The following LMX1A variants were observed in gnomAD, a reference collection of about 807,000 sequenced individuals.
The protein encoded by LMX1A is LIM homeobox transcription factor 1-alpha.
In LMX1A, 15 loss-of-function variants were observed where a neutral mutation model predicts 49.1. That is an observed-to-expected ratio of 0.31 (90% CI 0.20 to 0.47). The LOEUF is 0.47. Among genes scored for constraint, LMX1A ranks in the 20% least tolerant of loss-of-function variants. The probability of loss-of-function intolerance (pLI) is 1.00; values close to 1 mark genes in which losing one functional copy is unlikely to be tolerated. For missense variants in LMX1A, 372 were observed against 475.8 expected, an observed-to-expected ratio of 0.78 and a Z score of 2.03; for synonymous variants, 167 against 185.7, an observed-to-expected ratio of 0.90 and a Z score of 0.82.
At chr1:165,235,309 G>C (rs1557858354) in intron 4 of LMX1A, among the ~76,000 whole-genome samples, 2 of 152,146 alleles carry the variant, frequency 1.3e-5, no homozygotes, top group African/African-American at 4.8e-5. Context: ...TGCGAGGAGG[G>C]CTGGAGGCAT....
At chr1:165,292,080 A>AC (rs1223429308) in intron 3 of LMX1A, among the ~76,000 whole-genome samples, 1 of 151,590 alleles carries the variant, frequency 6.6e-6, no homozygotes, top group East Asian at 1.9e-4. Flanking sequence ...AAAAAAAAAA[A>AC]AAAAACAATA....
chr1:165,243,959 G>T (rs1390041615), intron 4 of LMX1A, among the ~76,000 whole-genome samples: 1 of 152,200 alleles, frequency 6.6e-6, no homozygotes, highest in Non-Finnish European at 1.5e-5. Context: ...GAAAGGCCAA[G>T]GCATGATTGG....
chr1:165,225,518 A>G (rs978590462), intron 4 of LMX1A, among the ~76,000 whole-genome samples: 1 of 152,232 alleles, frequency 6.6e-6, no homozygotes, highest in African/African-American at 2.4e-5. Context: ...TCTAACATTA[A>G]AAACTCTTCA....
chr1:165,280,019 A>ACCAGGC (rs1361354261), intron 3 of LMX1A, among the ~76,000 whole-genome samples: 1 of 151,962 alleles, frequency 6.6e-6, no homozygotes, highest in Non-Finnish European at 1.5e-5. Context: ...AATTGAACAC[A>ACCAGGC]CCAGGCCGTG....
intron 4 of LMX1A, among the ~76,000 whole-genome samples, chr1:165,231,184 A>G (rs1401664062): frequency 6.6e-6 from 1 of 152,170 alleles, no homozygotes; most frequent in East Asian, 1.9e-4. Flanking sequence ...CAATTGCTTT[A>G]TATAACTGCA....
Position 165,355,552 on chromosome 1 carries a change from T to C in LMX1A, c.8A>G (p.Asp3Gly). Residue 3 changes from aspartate (D) to glycine (G), a missense_variant, in exon 2 of 9, where the codon GAC becomes GGC. Asp to Gly is a moderately conservative substitution (Grantham distance 94). Transcript: ENST00000342310. The surrounding 1 kb of genome is among the most constrained non-coding windows in gnomAD (Gnocchi z 4.7). ML[D>G]GLKMEENFQS... ...GAAGTTCTCCTCCATCTTTAGGCCG[T>C]CCAGCATGTTCGGGCCGGGCCGGGA... is the stretch of plus-strand genomic sequence containing the variant. 1 of 1,613,636 alleles carries C rather than the reference T, an allele frequency of 6.2e-7. No homozygotes were observed. The highest frequency in any genetic ancestry group is 8.5e-7 in the Non-Finnish European group (1 of 1,179,888).
intron 2 of LMX1A, among the ~76,000 whole-genome samples, chr1:165,353,541 C>A (rs148777614): frequency 1.3e-4 from 20 of 152,286 alleles, no homozygotes; most frequent in African/African-American, 4.6e-4. Flanking sequence ...CAGGTATGCT[C>A]GCAAACGTCT....
At chr1:165,276,123 C>T (rs1263508679) in intron 3 of LMX1A, among the ~76,000 whole-genome samples, 1 of 152,108 alleles carries the variant, frequency 6.6e-6, no homozygotes, top group Non-Finnish European at 1.5e-5. Flanking sequence ...CTTCAGAGTG[C>T]ATCATCCCTG....
chr1:165,275,175 GC>G (rs1653927125), intron 3 of LMX1A, among the ~76,000 whole-genome samples: 1 of 152,114 alleles, frequency 6.6e-6, no homozygotes, highest in South Asian at 2.1e-4. Flanking sequence ...ATCTGAAATT[GC>G]CCCTGAAGTG....
intron 3 of LMX1A, among the ~76,000 whole-genome samples, chr1:165,284,886 T>C (rs559111670): frequency 6.6e-6 from 1 of 152,272 alleles, no homozygotes; most frequent in South Asian, 2.1e-4. Flanking sequence ...CAGCCTGCAA[T>C]AGCCGCCAGA....
At chr1:165,228,820 C>CA (rs1023522465) in intron 4 of LMX1A, among the ~76,000 whole-genome samples, 7 of 152,104 alleles carry the variant, frequency 4.6e-5, no homozygotes, top group Non-Finnish European at 1.0e-4. Flanking sequence ...AGGCCACATG[C>CA]AAAAACCAGA....
chr1:165,265,193 G>A (rs151116092), intron 3 of LMX1A, among the ~76,000 whole-genome samples: 7 of 145,076 alleles, frequency 4.8e-5, no homozygotes, highest in South Asian at 4.3e-4. Context: ...GACAGTGAGC[G>A]ACTCTGTCTC....
chr1:165,235,224 C>T (rs1652384672), intron 4 of LMX1A, among the ~76,000 whole-genome samples: 1 of 152,164 alleles, frequency 6.6e-6, no homozygotes, highest in Non-Finnish European at 1.5e-5. Context: ...AGGACCAAAC[C>T]AGGAGTCAGC....
At chr1:165,316,748 T>C (rs987493536) in intron 3 of LMX1A, among the ~76,000 whole-genome samples, 2 of 152,106 alleles carry the variant, frequency 1.3e-5, no homozygotes, top group African/African-American at 4.8e-5. Flanking sequence ...GCAGATGTAC[T>C]TGTACTTTTA....
intron 3 of LMX1A, among the ~76,000 whole-genome samples, chr1:165,331,038 T>A (rs992033443): frequency 6.6e-6 from 1 of 152,156 alleles, no homozygotes; most frequent in African/African-American, 2.4e-5. Flanking sequence ...AAATAAGATA[T>A]AAATATTCTT....
At chr1:165,265,800 G>T (rs771278893) in intron 3 of LMX1A, among the ~76,000 whole-genome samples, 2 of 151,976 alleles carry the variant, frequency 1.3e-5, no homozygotes, top group Non-Finnish European at 2.9e-5. Flanking sequence ...GAGGAAAAGG[G>T]GTAGACAAAA....
intron 3 of LMX1A, among the ~76,000 whole-genome samples, chr1:165,254,643 A>G (rs1370089019): frequency 6.6e-6 from 1 of 152,212 alleles, no homozygotes; most frequent in Non-Finnish European, 1.5e-5. Flanking sequence ...TCTAAGGCTC[A>G]GACAAGCAGA....
rs867816577 is a variant in LMX1A, at chr1:165,292,036, T to C, written c.264-42396A>G. On this transcript the variant is annotated intron_variant, in intron 3 of 8. Transcript: ENST00000342310. Reference sequence around the variant, plus strand: ...GAGATCGCGCCACTGCACTCCAGCCTGGGCGACAGAGCGAAACTCCGTCTC... The same window carrying C: ...GAGATCGCGCCACTGCACTCCAGCCCGGGCGACAGAGCGAAACTCCGTCTC... Among the ~76,000 whole-genome samples the C allele has an allele frequency of 5.9e-5, 7 of 118,386 alleles. No individual in the cohort carries two copies. In the Middle Eastern group the frequency reaches 0.03, roughly 505 times the overall value. The allele number at this position is 118,386 out of a possible 152,430, so 77.7% of individuals were successfully genotyped here. A position where few individuals can be genotyped will look rare whatever the true frequency, so the allele number is the denominator to read the frequency against.
At chr1:165,269,391 A>G (rs917034510) in intron 3 of LMX1A, among the ~76,000 whole-genome samples, 1 of 152,160 alleles carries the variant, frequency 6.6e-6, no homozygotes, top group African/African-American at 2.4e-5. Context: ...CACACTAGAC[A>G]TCTCCCCTGG....
Sources: gnomAD v4.1 joint callset for allele counts (sites outside exome capture counted in the v4.1 genomes callset) on GRCh38, gnomAD v4.1.1 for gene constraint, Gnocchi (gnomAD v3.1) non-coding constraint, MANE v1.5 for transcripts, NCBI Gene and HGNC (gene_info 2026-07-23, HGNC 2026-07-21) for gene names.